CDK11B: variants seen among roughly 807,000 people sequenced by gnomAD.
The protein encoded by CDK11B is cyclin-dependent kinase 11B.
In CDK11B, 37 loss-of-function variants were observed where a neutral mutation model predicts 84.0. The observed-to-expected ratio is 0.44, with a 90% confidence interval of 0.34 to 0.58. The LOEUF (loss-of-function observed/expected upper bound fraction) is 0.58, where lower values mean the gene tolerates loss of function less well. Ranked by LOEUF, CDK11B falls within the 20% of genes least tolerant of loss-of-function variation. The probability of loss-of-function intolerance (pLI) is 0.02; values close to 1 mark genes in which losing one functional copy is unlikely to be tolerated. For synonymous variants in CDK11B, 269 were observed against 309.8 expected, an observed-to-expected ratio of 0.87 and a Z score of 1.38; for missense variants, 427 against 834.0, an observed-to-expected ratio of 0.51 and a Z score of 6.01.
intron 14 of CDK11B, 38 bp from the exon 15 acceptor site, chr1:1,637,240 C>T: frequency 1.9e-6 from 3 of 1,608,778 alleles, no homozygotes; most frequent in South Asian, 2.2e-5. Flanking sequence ...ACCTGGCTGC[C>T]CCCAGCCCAG....
intron 13 of CDK11B, 49 bp downstream of exon 13, chr1:1,637,713 G>C: frequency 1.2e-6 from 2 of 1,613,612 alleles, no homozygotes; most frequent in African/African-American, 1.3e-5. Context: ...ACGGGGCCCT[G>C]TCAGAAAAGC....
chr1:1,636,729 G>A lies in CDK11B; in HGVS notation c.1870C>T (p.Leu624=), dbSNP rs757003783. ...TCGATTTCTGACTTCCCGGGGAACA[G>A]AGGCTTCTGAGTCAGCAGCTCCCCG... is the stretch of plus-strand genomic sequence containing the variant. ...IFGELLTQKP[L]FPGKSEIDQI... The change falls in exon 17 of 20, where the codon CTG becomes TTG. Residue 624 remains leucine (L), a synonymous_variant. Transcript: ENST00000341832. 3 of 1,614,000 alleles carry A rather than the reference G, an allele frequency of 1.9e-6. No homozygotes were observed. Among genetic ancestry groups the A allele is most frequent in the Non-Finnish European group, 1.7e-6 (2 of 1,179,874 alleles).
intron 4 of CDK11B, among the ~76,000 whole-genome samples, chr1:1,650,519 C>T (rs1278769866): frequency 6.6e-6 from 1 of 151,086 alleles, no homozygotes; most frequent in African/African-American, 2.4e-5. Flanking sequence ...GCGCCTGCCA[C>T]CACGCCCGGC....
chr1:1,636,878 T>A lies in CDK11B; in HGVS notation c.1800+19A>T. ...GCTGCGTGGGGGACAGGGGAGGCAC[T>A]CAGACGCCCAGGACTCACCTTGGCA... On this transcript the variant is annotated intron_variant, in intron 16 of 19. Transcript: ENST00000341832. The A allele has an allele frequency of 6.2e-7, 1 of 1,609,680 alleles. No homozygotes were observed. The highest frequency in any genetic ancestry group is 8.5e-7 in the Non-Finnish European group (1 of 1,177,470).
rs779031774 is a variant in CDK11B, at chr1:1,636,953, T to C, written c.1744A>G (p.Thr582Ala). The C allele has an allele frequency of 3.7e-6, 6 of 1,608,496 alleles. No homozygotes were observed. In the African/African-American group the frequency reaches 8.0e-5, roughly 22 times the overall value. Residue 582 changes from threonine (T) to alanine (A), a missense_variant, in exon 16 of 20, where the codon ACC (threonine) becomes GCC (alanine). Transcript: ENST00000341832. ...TACCACAGGGTCACCACGACCGGGG[T>C]GTAGGCCTTCAGAGGGGATCCGTAC... ...REYGSPLKAY[T>A]PVVVTLWYRA... is the part of the protein sequence containing the mutation.
chr1:1,650,393 T>G (rs1641830580), intron 4 of CDK11B, among the ~76,000 whole-genome samples: 2 of 131,388 alleles, frequency 1.5e-5, no homozygotes, highest in Non-Finnish European at 1.6e-5. Context: ...GGAGATGGAG[T>G]CTTGCTCTGT....
At position 1,636,773 on chromosome 1, in the gene CDK11B, C is replaced by T; in HGVS notation, c.1826G>A (p.Trp609Ter). 1 of 1,613,898 alleles carries T rather than the reference C, an allele frequency of 6.2e-7. No homozygotes were observed. Among genetic ancestry groups the T allele is most frequent in the Non-Finnish European group, 8.5e-7 (1 of 1,179,862 alleles). Residue 609 changes from tryptophan to a stop codon, truncating the protein, a stop_gained, in exon 17 of 20, where the codon TGG becomes TAG. Transcript: ENST00000341832. LOFTEE classifies it high-confidence loss of function. Reference sequence around the variant, plus strand: ...CTCCCCGAAGATGCAACCCACTGACCACATGTCCACGGCCGTGGAGTATTC... The same window carrying T: ...CTCCCCGAAGATGCAACCCACTGACTACATGTCCACGGCCGTGGAGTATTC... ...AKEYSTAVDMWSVGCIFGELL... is the reference protein window; with the variant it reads ...AKEYSTAVDM
chr1:1,638,000 G>A, intron 12 of CDK11B, 117 bp from the exon 13 acceptor site: 5 of 1,515,826 alleles, frequency 3.3e-6, no homozygotes, highest in Non-Finnish European at 3.6e-6. Flanking sequence ...CACGGAGGGG[G>A]GTCTCGTTCT....
At chr1:1,639,736 G>C (rs2100728755) in intron 11 of CDK11B, among the ~76,000 whole-genome samples, 1 of 152,170 alleles carries the variant, frequency 6.6e-6, no homozygotes, top group South Asian at 2.1e-4. Context: ...CCGAGTCCCT[G>C]CCGGTCTCCC....
At chr1:1,649,091 C>A (rs1370976743) in intron 5 of CDK11B, among the ~76,000 whole-genome samples, 1 of 151,966 alleles carries the variant, frequency 6.6e-6, no homozygotes. Context: ...CACTTCTGCA[C>A]CAAATGTGAC....
intron 5 of CDK11B, among the ~76,000 whole-genome samples, chr1:1,648,739 C>A (rs1244815563): frequency 6.6e-6 from 1 of 152,122 alleles, no homozygotes; most frequent in Non-Finnish European, 1.5e-5. Flanking sequence ...GTCCAGGGTC[C>A]CGAATTCCAG....
At chr1:1,639,607 C>T (rs1353328775) in intron 11 of CDK11B, among the ~76,000 whole-genome samples, 1 of 151,936 alleles carries the variant, frequency 6.6e-6, no homozygotes, top group African/African-American at 2.4e-5. Flanking sequence ...GCCTGTGGCC[C>T]GACGCCTACG....
chr1:1,640,795 G>A (rs1640170601), intron 10 of CDK11B, among the ~76,000 whole-genome samples: 1 of 152,198 alleles, frequency 6.6e-6, no homozygotes, highest in Non-Finnish European at 1.5e-5. Flanking sequence ...CATCTGACGG[G>A]CCTCCCCTGT....
chr1:1,654,335 T>C (rs1328355667), intron 3 of CDK11B, among the ~76,000 whole-genome samples: 1 of 152,178 alleles, frequency 6.6e-6, no homozygotes, highest in African/African-American at 2.4e-5. Context: ...CATTTCCTTG[T>C]CTCTATTCTA....
At chr1:1,639,584 T>G (rs530070500) in intron 11 of CDK11B, among the ~76,000 whole-genome samples, 1 of 151,426 alleles carries the variant, frequency 6.6e-6, no homozygotes, top group South Asian at 2.1e-4. Context: ...CCGGATGTCA[T>G]GTACTCGGGG....
intron 5 of CDK11B, 65 bp downstream of exon 5, chr1:1,649,434 T>A: frequency 1.6e-6 from 2 of 1,246,232 alleles, no homozygotes; most frequent in South Asian, 2.5e-5. Context: ...TTCTTCTTCA[T>A]TTCTAGGATG....
intron 4 of CDK11B, among the ~76,000 whole-genome samples, chr1:1,650,214 G>A (rs1319744358): frequency 2.3e-5 from 3 of 131,562 alleles, no homozygotes; most frequent in Non-Finnish European, 4.7e-5. Flanking sequence ...AATTTGCAGT[G>A]AGCTGAGATT....
In CDK11B at chr1:1,637,971, G is replaced by A. The variant is rs1456399053; in HGVS notation, c.1343-88C>T. 25 of 1,562,914 alleles carry A rather than the reference G, an allele frequency of 1.6e-5. 1 individual carries two copies. The Admixed American group carries it at 3.9e-4, about 24-fold the overall frequency. ...TCGTTCAGTGAGGACCGCAGGCAGT[G>A]CCCAAAGCGCCAGCATTTCACGGAG... On this transcript the variant is annotated intron_variant, in intron 12 of 19. Coordinates refer to ENST00000341832, the MANE Select transcript of CDK11B (RefSeq NM_033486.3).
At chr1:1,658,456 G>A (rs544330298) in intron 1 of CDK11B, among the ~76,000 whole-genome samples, 1 of 149,156 alleles carries the variant, frequency 6.7e-6, no homozygotes, top group African/African-American at 2.5e-5. Flanking sequence ...CAACACCTAC[G>A]TGATAGTATC....
Sources: allele counts gnomAD v4.1 joint callset (sites outside exome capture counted in the v4.1 genomes callset), GRCh38; gene constraint gnomAD v4.1.1; transcripts MANE v1.5; gene names NCBI Gene and HGNC (gene_info 2026-07-23, HGNC 2026-07-21).